Variants in RPSA2 observed in about 807,000 individuals in gnomAD.
RPSA2 encodes small ribosomal subunit protein uS2B.
the RPSA2 span, among the ~76,000 whole-genome samples, chr19:23,783,882 G>A: frequency 6.6e-6 from 1 of 152,174 alleles, no homozygotes; most frequent in African/African-American, 2.4e-5. Flanking sequence ...CCAGCATGCA[G>A]GTGATCTTAC....
the RPSA2 span, among the ~76,000 whole-genome samples, chr19:23,769,768 G>A: frequency 1.3e-5 from 2 of 152,180 alleles, no homozygotes; most frequent in African/African-American, 2.4e-5. Context: ...ATATCACTGG[G>A]TCAAGAACCT....
the RPSA2 span, among the ~76,000 whole-genome samples, chr19:23,860,754 G>C: frequency 1.3e-5 from 2 of 152,258 alleles, no homozygotes; most frequent in East Asian, 1.9e-4. Flanking sequence ...AAATACAGAA[G>C]ATAAGTCAGT....
chr19:23,758,663 A>G, the RPSA2 span: 2 of 1,610,106 alleles, frequency 1.2e-6, no homozygotes, highest in Admixed American at 3.3e-5. Flanking sequence ...CTCAGGGCGC[A>G]AATTGTGGAG....
At chr19:23,849,989 C>A in the RPSA2 span, among the ~76,000 whole-genome samples, 1 of 152,104 alleles carries the variant, frequency 6.6e-6, no homozygotes, top group African/African-American at 2.4e-5. Flanking sequence ...TAGTTAATCT[C>A]TCCGGAAGAT....
chr19:23,851,950 G>A, the RPSA2 span, among the ~76,000 whole-genome samples: 2 of 152,140 alleles, frequency 1.3e-5, no homozygotes, highest in African/African-American at 4.8e-5. Context: ...AATTAAATTT[G>A]GATCAAATCC....
chr19:23,758,669 T>C, the RPSA2 span: 7 of 1,611,282 alleles, frequency 4.3e-6, no homozygotes, highest in South Asian at 5.5e-5. Context: ...GCGCAAATTG[T>C]GGAGCTGACT....
the RPSA2 span, among the ~76,000 whole-genome samples, chr19:23,795,073 T>TGTAGTATA: frequency 1.3e-5 from 2 of 152,358 alleles, no homozygotes; most frequent in East Asian, 3.9e-4. Flanking sequence ...CTTTGTTTAC[T>TGTAGTATA]GTAGCTCTGT....
the RPSA2 span, among the ~76,000 whole-genome samples, chr19:23,863,910 T>A: frequency 1.3e-5 from 2 of 152,126 alleles, no homozygotes; most frequent in Non-Finnish European, 2.9e-5. Flanking sequence ...CAGAACAGAA[T>A]AACAGAGGCA....
At chr19:23,777,840 G>C in the RPSA2 span, among the ~76,000 whole-genome samples, 2 of 152,154 alleles carry the variant, frequency 1.3e-5, no homozygotes, top group African/African-American at 4.8e-5. Context: ...CAATACCCAG[G>C]TGATGTAACT....
chr19:23,792,464 G>A, the RPSA2 span, among the ~76,000 whole-genome samples: 5 of 152,130 alleles, frequency 3.3e-5, no homozygotes, highest in African/African-American at 1.2e-4. Flanking sequence ...ACTGAAGATG[G>A]AGTTGTTATT....
At chr19:23,761,901 A>ATCCATCCTTCCTTCCTTCCTTCCTTCC in the RPSA2 span, among the ~76,000 whole-genome samples, 141 of 34,014 alleles carry the variant, frequency 4.1e-3, 5 homozygotes, top group Middle Eastern at 0.016. Flanking sequence ...GGGTAACGTA[A>ATCCATCCTTCCTTCCTTCCTTCCTTCC]TTCTTTCTTT....
chr19:23,867,393 G>A, the RPSA2 span, among the ~76,000 whole-genome samples: 6 of 152,340 alleles, frequency 3.9e-5, no homozygotes, highest in South Asian at 1.2e-3. Context: ...CTTACTTATA[G>A]CATTGGATAT....
chr19:23,850,044 T>C, the RPSA2 span, among the ~76,000 whole-genome samples: 2 of 152,170 alleles, frequency 1.3e-5, no homozygotes, highest in East Asian at 3.9e-4. Flanking sequence ...ACCAGGTGCA[T>C]GTCTGAGGCA....
the RPSA2 span, among the ~76,000 whole-genome samples, chr19:23,845,496 C>T: frequency 6.6e-6 from 1 of 151,864 alleles, no homozygotes; most frequent in Admixed American, 6.6e-5. Flanking sequence ...TAATTTTCAT[C>T]TTAATTTTCT....
chr19:23,841,549 G>A, the RPSA2 span, among the ~76,000 whole-genome samples: 1 of 152,198 alleles, frequency 6.6e-6, no homozygotes, highest in Non-Finnish European at 1.5e-5. Context: ...CATTTAATCT[G>A]AAAGCTCCCC....
At chr19:23,866,170 G>A in the RPSA2 span, among the ~76,000 whole-genome samples, 1 of 152,142 alleles carries the variant, frequency 6.6e-6, no homozygotes, top group Admixed American at 6.5e-5. Context: ...AGCATGTTTG[G>A]AGCACAATTC....
chr19:23,851,380 G>A, the RPSA2 span, among the ~76,000 whole-genome samples: 1 of 152,102 alleles, frequency 6.6e-6, no homozygotes, highest in African/African-American at 2.4e-5. Flanking sequence ...TGAGCTTCTT[G>A]GGTTGCAAAA....
At chr19:23,817,239 A>G in the RPSA2 span, among the ~76,000 whole-genome samples, 1 of 152,098 alleles carries the variant, frequency 6.6e-6, no homozygotes, top group Non-Finnish European at 1.5e-5. Context: ...AAAATTAGCC[A>G]GGCATGGTGG....
chr19:23,851,909 C>T, the RPSA2 span, among the ~76,000 whole-genome samples: 1 of 152,180 alleles, frequency 6.6e-6, no homozygotes, highest in Non-Finnish European at 1.5e-5. Context: ...TGAGAAGCGG[C>T]CTGAACTTTG....
Sources: gnomAD v4.1 joint callset for allele counts (sites outside exome capture counted in the v4.1 genomes callset) on GRCh38, gnomAD v4.1.1 for gene constraint, MANE v1.5 for transcripts, NCBI Gene and HGNC (gene_info 2026-07-23, HGNC 2026-07-21) for gene names.